The following XIST variants were observed in gnomAD, a reference collection of about 807,000 sequenced individuals.
XIST encodes X inactive specific transcript.
rs770190912 is a variant in XIST at position 73,838,351 on chromosome X, G to A, written n.11343-848C>T. On this transcript the variant is annotated intron_variant and non_coding_transcript_variant, in intron 1 of 5. Coordinates refer to ENST00000429829, the Ensembl canonical transcript of XIST. ...TAAGAGGGTATTGCTTGGGTCTACT[G>A]CATAACCTCTCATGTTTCCGGGAAC... Among the ~76,000 whole-genome samples the A allele has an allele frequency of 2.0e-4, 22 of 110,832 alleles. No individual in the cohort carries two copies. The East Asian group carries it at 5.1e-3, about 26-fold the overall frequency.
At chrX:73,826,336 G>T (rs776637903) in exon 6 of XIST, 10 of 557,342 alleles carry the variant, frequency 1.8e-5, no homozygotes, top group Admixed American at 4.5e-5. Flanking sequence ...TCACCTATAT[G>T]AATGTCTGCT....
At chrX:73,850,014 G>A (rs780669766) in exon 1 of XIST, 3 of 556,359 alleles carry the variant, frequency 5.4e-6, no homozygotes. Context: ...TCTGAATAGA[G>A]GACACCAGAC....
chrX:73,848,905 T>C (rs1603362812), exon 1 of XIST: 4 of 555,109 alleles, frequency 7.2e-6, no homozygotes, highest in African/African-American at 2.2e-5. Flanking sequence ...GATAAAGGCA[T>C]ACACATAAGT....
exon 6 of XIST, chrX:73,823,022 A>C: frequency 5.4e-6 from 3 of 554,873 alleles, no homozygotes; most frequent in South Asian, 4.6e-5. Context: ...AGTTTTAATA[A>C]ATTTTTACTA....
chrX:73,829,067 C>T (rs1397571383), intron 5 of XIST: 2 of 556,175 alleles, frequency 3.6e-6, no homozygotes, highest in Non-Finnish European at 6.5e-6. Context: ...CAACAACTTA[C>T]TTCATTCAGC....
exon 1 of XIST, chrX:73,842,705 G>A (rs760462731): frequency 1.4e-5 from 8 of 556,128 alleles, no homozygotes; most frequent in Non-Finnish European, 2.6e-5. Context: ...AGGGGTTCAT[G>A]TATAATGGGT....
exon 1 of XIST, chrX:73,843,633 T>C (rs759165669): frequency 1.3e-4 from 71 of 557,007 alleles, no homozygotes; most frequent in Non-Finnish European, 2.1e-4. Flanking sequence ...AAGGGGCACT[T>C]AGTGAATATC....
At chrX:73,829,198 G>A in exon 5 of XIST, 2 of 557,948 alleles carry the variant, frequency 3.6e-6, no homozygotes, top group Non-Finnish European at 6.5e-6. Flanking sequence ...CTTGTAGGAA[G>A]TATAATGATT....
chrX:73,825,095 C>A (rs1450114935), exon 6 of XIST: 2 of 515,286 alleles, frequency 3.9e-6, no homozygotes, highest in South Asian at 2.4e-5. Context: ...TACTTTTCCC[C>A]CTTTGGTAGC....
chrX:73,839,584 T>C (rs1480674253), intron 1 of XIST, among the ~76,000 whole-genome samples: 2 of 111,321 alleles, frequency 1.8e-5, no homozygotes, highest in Non-Finnish European at 3.8e-5. Flanking sequence ...GCATCCTCCA[T>C]AAGAAAGCAA....
At chrX:73,844,628 G>T in exon 1 of XIST, 1 of 558,903 alleles carries the variant, frequency 1.8e-6, no homozygotes, top group Non-Finnish European at 3.2e-6. Context: ...GGGAGGAAAA[G>T]AAAGATTATG....
chrX:73,831,163 G>A (rs1922372220), exon 4 of XIST: 1 of 555,384 alleles, frequency 1.8e-6, no homozygotes, highest in African/African-American at 2.2e-5. Context: ...TTGCCCAGTG[G>A]TAGTGAGCTT....
chrX:73,828,832 GAACAC>G (rs1922320537), intron 5 of XIST: 1 of 313,036 alleles, frequency 3.2e-6, no homozygotes, highest in African/African-American at 2.6e-5. Context: ...TGAAGACATA[GAACAC>G]ACAAGCAAAG....
At chrX:73,821,697 T>C (rs773357104) in exon 6 of XIST, 4 of 543,562 alleles carry the variant, frequency 7.4e-6, no homozygotes, top group Non-Finnish European at 1.3e-5. Flanking sequence ...CCACCCTCTG[T>C]GAGTGATTTA....
exon 6 of XIST, chrX:73,823,679 A>G: frequency 1.8e-6 from 1 of 557,876 alleles, no homozygotes; most frequent in Non-Finnish European, 3.2e-6. Flanking sequence ...TTTTGCAAAA[A>G]TTTTCCATCT....
At chrX:73,822,065 A>G (rs781274163) in exon 6 of XIST, 1 of 556,996 alleles carries the variant, frequency 1.8e-6, no homozygotes, top group Non-Finnish European at 3.2e-6. Flanking sequence ...CTGAAAATAG[A>G]CAAACCTTGT....
exon 1 of XIST, chrX:73,843,240 A>G (rs1177493754): frequency 3.6e-6 from 2 of 558,745 alleles, no homozygotes; most frequent in Non-Finnish European, 6.5e-6. Context: ...ACTCTACCAG[A>G]AGGAGACATA....
chrX:73,852,325 C>T, exon 1 of XIST: 1 of 544,037 alleles, frequency 1.8e-6, no homozygotes, highest in South Asian at 2.4e-5. Flanking sequence ...GGCAGGTATC[C>T]ACGGCCCCGT....
chrX:73,847,666 A>T, exon 1 of XIST: 1 of 527,006 alleles, frequency 1.9e-6, no homozygotes, highest in Non-Finnish European at 3.4e-6. Flanking sequence ...TCAATTAGAC[A>T]TTTGAAATGT....
Sources: gnomAD v4.1 joint callset for allele counts (sites outside exome capture counted in the v4.1 genomes callset) on GRCh38, gnomAD v4.1.1 for gene constraint, MANE v1.5 for transcripts, NCBI Gene and HGNC (gene_info 2026-07-23, HGNC 2026-07-21) for gene names.